Variants in PAK5 observed in about 807,000 individuals in gnomAD.
The protein encoded by PAK5 is p21 (RAC1) activated kinase 5.
PAK5 carries 16 observed loss-of-function variants against 65.9 expected under a neutral mutation model. The observed-to-expected ratio is 0.24, with a 90% confidence interval of 0.16 to 0.37. The LOEUF is 0.37. PAK5 is among the 10% of genes least tolerant of loss of function. The probability of loss-of-function intolerance (pLI) is 1.00; values close to 1 mark genes in which losing one functional copy is unlikely to be tolerated. For synonymous variants in PAK5, 371 were observed against 354.9 expected, an observed-to-expected ratio of 1.05 and a Z score of -0.51; for missense variants, 785 against 903.9, an observed-to-expected ratio of 0.87 and a Z score of 1.69.
chr20:9,834,457 C>A (rs981483074), intron 1 of PAK5, among the ~76,000 whole-genome samples: 1 of 152,096 alleles, frequency 6.6e-6, no homozygotes, highest in African/African-American at 2.4e-5. Flanking sequence ...TTATAAAGAG[C>A]AATTTCTCTC....
chr20:9,720,880 A>G (rs1212809323), intron 1 of PAK5, among the ~76,000 whole-genome samples: 1 of 152,200 alleles, frequency 6.6e-6, no homozygotes, highest in African/African-American at 2.4e-5. Context: ...GTGTACTTAT[A>G]TGAACTATCC....
At chr20:9,579,162 C>A (rs2045936623) in intron 4 of PAK5, among the ~76,000 whole-genome samples, 1 of 152,104 alleles carries the variant, frequency 6.6e-6, no homozygotes, top group South Asian at 2.1e-4. Context: ...TGCTGCTCAC[C>A]AAACTGTCAA....
chr20:9,595,058 T>C (rs557588044), intron 3 of PAK5, among the ~76,000 whole-genome samples: 1 of 151,616 alleles, frequency 6.6e-6, no homozygotes, highest in Non-Finnish European at 1.5e-5. Context: ...TGTGCATATA[T>C]GTACATATAC....
intron 1 of PAK5, among the ~76,000 whole-genome samples, chr20:9,816,358 G>A (rs1392825496): frequency 6.6e-6 from 1 of 152,154 alleles, no homozygotes; most frequent in African/African-American, 2.4e-5. Flanking sequence ...AACATCATGT[G>A]TCGACTTGAC....
intron 2 of PAK5, among the ~76,000 whole-genome samples, chr20:9,657,945 A>AT (rs540910739): frequency 1.4e-4 from 21 of 152,308 alleles, no homozygotes; most frequent in Admixed American, 1.0e-3. Flanking sequence ...GATTCTCCAG[A>AT]TTTTTTTATA....
In PAK5 at chr20:9,644,093, A is replaced by ATTT. The variant is rs755840280; in HGVS notation, c.204+31_204+32insAAA. ...TGCATTAAATAAGAGCATGATTCTT[A>ATTT]AGCCCAGCCAAAGATGGAGCCCTCA... On this transcript the variant is annotated intron_variant, in intron 3 of 9. Transcript: ENST00000353224. 256 of 1,545,000 alleles carry ATTT rather than the reference A, an allele frequency of 1.7e-4. No individual in the cohort carries two copies. The African/African-American group carries it at 3.3e-3, about 20-fold the overall frequency.
intron 2 of PAK5, among the ~76,000 whole-genome samples, chr20:9,677,204 G>A (rs141267803): frequency 3.3e-5 from 5 of 152,178 alleles, no homozygotes; most frequent in Middle Eastern, 3.4e-3. Flanking sequence ...TTAATATGAA[G>A]CTCAGGTTTT....
intron 3 of PAK5, among the ~76,000 whole-genome samples, chr20:9,607,214 A>C (rs917285215): frequency 1.3e-5 from 2 of 152,276 alleles, no homozygotes; most frequent in Admixed American, 6.5e-5. Context: ...GGTGCAGCCC[A>C]CTATGGCTTC....
chr20:9,744,331 C>T (rs1759204781), intron 1 of PAK5, among the ~76,000 whole-genome samples: 1 of 152,088 alleles, frequency 6.6e-6, no homozygotes, highest in Admixed American at 6.6e-5. Flanking sequence ...AAACAAAAAC[C>T]CAAGTAAGCA....
In PAK5 at chr20:9,661,341, C is replaced by T. The variant is rs180949416; in HGVS notation, c.-11-17002G>A. Among the ~76,000 whole-genome samples the T allele has an allele frequency of 1.3e-4, 20 of 152,226 alleles. No homozygotes were observed. The East Asian group carries it at 3.7e-3, about 28-fold the overall frequency. ...CTCTGGCCTCCCTCCCTCCACCACC[C>T]AAAGTCTCTCCCAAAGAAGCTGAAG... is the stretch of plus-strand genomic sequence containing the variant. On this transcript the variant is annotated intron_variant, in intron 2 of 9. Coordinates refer to ENST00000353224, the MANE Select transcript of PAK5 (RefSeq NM_177990.4).
intron 1 of PAK5, among the ~76,000 whole-genome samples, chr20:9,725,461 G>GA (rs751855397): frequency 1.3e-5 from 2 of 152,016 alleles, no homozygotes; most frequent in African/African-American, 2.4e-5. Flanking sequence ...AATGGAACAT[G>GA]AAAAAACAAT....
At chr20:9,835,145 C>T (rs1452258573) in intron 1 of PAK5, among the ~76,000 whole-genome samples, 3 of 152,178 alleles carry the variant, frequency 2.0e-5, no homozygotes, top group Non-Finnish European at 4.4e-5. Flanking sequence ...CAGGAAAATG[C>T]TATGAGGCAG....
intron 1 of PAK5, among the ~76,000 whole-genome samples, chr20:9,735,689 T>C (rs1317367652): frequency 1.3e-5 from 2 of 151,798 alleles, no homozygotes; most frequent in Non-Finnish European, 1.5e-5. Context: ...CTTAACTGTG[T>C]CTCAAAACAA....
chr20:9,601,749 T>G (rs527518503), intron 3 of PAK5, among the ~76,000 whole-genome samples: 1 of 152,056 alleles, frequency 6.6e-6, no homozygotes, highest in South Asian at 2.1e-4. Flanking sequence ...TATCGACTGG[T>G]TCCTTGAGTC....
chr20:9,737,460 T>C (rs2048402106), intron 1 of PAK5, among the ~76,000 whole-genome samples: 3 of 152,176 alleles, frequency 2.0e-5, no homozygotes, highest in Admixed American at 2.0e-4. Context: ...AATGTTTATA[T>C]GCCTAAAAAC....
At chr20:9,588,594 G>GTA (rs1300268733) in intron 3 of PAK5, among the ~76,000 whole-genome samples, 2 of 152,194 alleles carry the variant, frequency 1.3e-5, no homozygotes, top group Admixed American at 6.5e-5. Context: ...TGGCAAAGCA[G>GTA]TAATAATGAA....
intron 2 of PAK5, among the ~76,000 whole-genome samples, chr20:9,704,177 C>G (rs964651193): frequency 5.3e-5 from 8 of 152,162 alleles, no homozygotes; most frequent in African/African-American, 1.7e-4. Context: ...GGCAGCCCTA[C>G]CAGCCTTATA....
intron 1 of PAK5, among the ~76,000 whole-genome samples, chr20:9,725,705 C>T (rs1246146423): frequency 6.6e-6 from 1 of 152,072 alleles, no homozygotes; most frequent in African/African-American, 2.4e-5. Context: ...GGAGAGAACA[C>T]AAACTCGTCG....
At chr20:9,558,762 G>A (rs1434225306) in intron 6 of PAK5, among the ~76,000 whole-genome samples, 2 of 152,182 alleles carry the variant, frequency 1.3e-5, no homozygotes, top group Admixed American at 1.3e-4. Context: ...ACTAATAACA[G>A]AGTGTGAATG....
Sources: gnomAD v4.1 joint callset for allele counts (sites outside exome capture counted in the v4.1 genomes callset) on GRCh38, gnomAD v4.1.1 for gene constraint, MANE v1.5 for transcripts, NCBI Gene and HGNC (gene_info 2026-07-23, HGNC 2026-07-21) for gene names.